The following TAS2R1 variants were observed in gnomAD, a reference collection of about 807,000 sequenced individuals.
TAS2R1 encodes taste 2 receptor member 1.
For missense variants in TAS2R1, 370 were observed against 353.4 expected, an observed-to-expected ratio of 1.05 and a Z score of -0.38; for synonymous variants, 141 against 134.2, an observed-to-expected ratio of 1.05 and a Z score of -0.35.
At chr5:9,725,703 G>C in the TAS2R1 span, among the ~76,000 whole-genome samples, 1 of 144,482 alleles carries the variant, frequency 6.9e-6, no homozygotes, top group Non-Finnish European at 1.5e-5. Context: ...CCCAAGGGCT[G>C]AGGAGTGCAG....
At chr5:9,855,513 G>A in the TAS2R1 span, among the ~76,000 whole-genome samples, 1 of 152,218 alleles carries the variant, frequency 6.6e-6, no homozygotes, top group Non-Finnish European at 1.5e-5. Flanking sequence ...GCACACATGA[G>A]TGCATGCTCT....
chr5:9,791,052 A>G, the TAS2R1 span, among the ~76,000 whole-genome samples: 1 of 152,162 alleles, frequency 6.6e-6, no homozygotes, highest in Admixed American at 6.5e-5. Context: ...ACCAGTGAAA[A>G]ATCTTGAGCC....
chr5:9,854,572 A>AAT, the TAS2R1 span: 7 of 152,192 alleles, frequency 4.6e-5, no homozygotes, highest in African/African-American at 1.7e-4. Flanking sequence ...AAGATTCAAT[A>AAT]ATATGTTCAA....
chr5:9,749,297 C>A, the TAS2R1 span, among the ~76,000 whole-genome samples: 2 of 152,108 alleles, frequency 1.3e-5, no homozygotes, highest in African/African-American at 4.8e-5. Flanking sequence ...ATAGCCATCA[C>A]CATTTGTGTA....
the TAS2R1 span, among the ~76,000 whole-genome samples, chr5:9,865,808 ACTT>A: frequency 6.6e-6 from 1 of 152,090 alleles, no homozygotes; most frequent in Non-Finnish European, 1.5e-5. Flanking sequence ...CCTTTTCAAC[ACTT>A]CTGGCTCCTT....
intron 1 of TAS2R1, among the ~76,000 whole-genome samples, chr5:9,666,007 T>C (rs1372747778): frequency 1.3e-5 from 2 of 152,220 alleles, no homozygotes; most frequent in African/African-American, 4.8e-5. Context: ...ATGACTTATA[T>C]GCATTAGATA....
intron 1 of TAS2R1, among the ~76,000 whole-genome samples, chr5:9,691,560 A>G (rs1561380365): frequency 6.6e-6 from 1 of 152,268 alleles, no homozygotes; most frequent in Non-Finnish European, 1.5e-5. Flanking sequence ...CCAGATGAGC[A>G]TGCCCTTATT....
At chr5:9,681,382 A>C (rs1467538429) in intron 1 of TAS2R1, among the ~76,000 whole-genome samples, 1 of 151,896 alleles carries the variant, frequency 6.6e-6, no homozygotes, top group Non-Finnish European at 1.5e-5. Flanking sequence ...AAGTTAGATA[A>C]TGAAAATTTC....
chr5:9,777,849 C>T, the TAS2R1 span, among the ~76,000 whole-genome samples: 1,420 of 151,896 alleles, frequency 9.3e-3, 10 homozygotes, highest in Admixed American at 0.016. Context: ...ATCTCCACAT[C>T]TCCATCAGAG....
At chr5:9,633,313 TATATATAC>T (rs1214780181), upstream of TAS2R1, among the ~76,000 whole-genome samples, 1 of 128,990 alleles carries the variant, frequency 7.8e-6, no homozygotes, top group African/African-American at 3.4e-5. Context: ...TATATATATA[TATATATAC>T]ACAAATGTTC....
chr5:9,889,530 A>C, the TAS2R1 span: 6 of 152,156 alleles, frequency 3.9e-5, no homozygotes, highest in African/African-American at 1.4e-4. Context: ...GTTGAATTAA[A>C]GCATTACAGC....
intron 1 of TAS2R1, among the ~76,000 whole-genome samples, chr5:9,702,704 G>C (rs947364772): frequency 6.6e-6 from 1 of 152,096 alleles, no homozygotes; most frequent in African/African-American, 2.4e-5. Context: ...CTGAATGAGA[G>C]CACCCAAAAT....
the TAS2R1 span, chr5:9,863,058 G>C: frequency 6.6e-6 from 1 of 152,062 alleles, no homozygotes; most frequent in African/African-American, 2.4e-5. Context: ...TAGCCAACAG[G>C]TTTCAGAGCT....
the TAS2R1 span, among the ~76,000 whole-genome samples, chr5:9,826,203 T>C: frequency 4.6e-5 from 7 of 152,326 alleles, no homozygotes; most frequent in Admixed American, 4.6e-4. Flanking sequence ...AAATAATTTT[T>C]GTATAATGAT....
the TAS2R1 span, among the ~76,000 whole-genome samples, chr5:9,896,603 T>C: frequency 6.6e-6 from 1 of 152,118 alleles, no homozygotes; most frequent in Non-Finnish European, 1.5e-5. Context: ...AAGAACACTT[T>C]CTATGGAAAG....
chr5:9,828,949 A>C, the TAS2R1 span, among the ~76,000 whole-genome samples: 1 of 152,234 alleles, frequency 6.6e-6, no homozygotes, highest in African/African-American at 2.4e-5. Flanking sequence ...GTTTCATTAG[A>C]TCTACTGGGT....
chr5:9,646,109 A>G (rs1740181675), intron 2 of TAS2R1, among the ~76,000 whole-genome samples: 1 of 152,156 alleles, frequency 6.6e-6, no homozygotes, highest in Admixed American at 6.6e-5. Context: ...CATACCTGTG[A>G]CTTGTATATT....
At chr5:9,690,897 T>C (rs1236206511) in intron 1 of TAS2R1, among the ~76,000 whole-genome samples, 3 of 152,056 alleles carry the variant, frequency 2.0e-5, no homozygotes, top group Non-Finnish European at 4.4e-5. Context: ...CCCTTTCCAC[T>C]ACCCACTCTG....
At chr5:9,764,741 C>T in the TAS2R1 span, among the ~76,000 whole-genome samples, 1 of 152,096 alleles carries the variant, frequency 6.6e-6, no homozygotes, top group Non-Finnish European at 1.5e-5. Context: ...AACAAGAGAA[C>T]ATGGCACAGG....
Sources: allele counts gnomAD v4.1 joint callset (sites outside exome capture counted in the v4.1 genomes callset), GRCh38; gene constraint gnomAD v4.1.1; transcripts MANE v1.5; gene names NCBI Gene and HGNC (gene_info 2026-07-23, HGNC 2026-07-21).